FARSB: variants seen among roughly 807,000 people sequenced by gnomAD.
FARSB encodes phenylalanine--tRNA ligase beta subunit.
Under a neutral mutation model 69.6 loss-of-function variants are expected in FARSB, and 40 were observed. The ratio of observed to expected loss-of-function variants is 0.57; its 90% CI spans 0.45 to 0.75. The LOEUF is 0.75. FARSB is among the 30% of genes least tolerant of loss of function. The pLI, the probability that FARSB is intolerant of heterozygous loss-of-function variation, is 0.00. For synonymous variants in FARSB, 235 were observed against 247.2 expected (o/e 0.95, Z 0.46); for missense variants, 632 against 722.9 (o/e 0.87, Z 1.44).
At chr2:222,594,771 C>T (rs557546273) in intron 16 of FARSB, among the ~76,000 whole-genome samples, 6 of 152,254 alleles carry the variant, frequency 3.9e-5, no homozygotes, top group South Asian at 2.1e-4. Context: ...TAAAGTATCA[C>T]GAAAACATCA....
At chr2:222,625,654 A>C (rs1049950488) in intron 10 of FARSB, among the ~76,000 whole-genome samples, 2 of 152,226 alleles carry the variant, frequency 1.3e-5, no homozygotes, top group African/African-American at 4.8e-5. Context: ...GGGAGGCACA[A>C]GGTGAAGATT....
intron 16 of FARSB, among the ~76,000 whole-genome samples, chr2:222,583,574 T>C (rs1162182246): frequency 6.6e-6 from 1 of 152,156 alleles, no homozygotes; most frequent in Non-Finnish European, 1.5e-5. Context: ...GTCAAGGTCA[T>C]GAAAGTGAAG....
rs750603882 is a variant in FARSB, at chr2:222,633,243, T to C, written c.671A>G (p.Tyr224Cys). The C allele has an allele frequency of 2.5e-6, 4 of 1,589,772 alleles. No individual in the cohort carries two copies. Among genetic ancestry groups the C allele is most frequent in the East Asian group, 2.2e-5 (1 of 44,682 alleles). Residue 224 changes from tyrosine to cysteine, a missense_variant, in exon 7 of 17, where the codon TAT (tyrosine) becomes TGT (cysteine). By Grantham distance (194) the Tyr-to-Cys change is radical. Coordinates refer to ENST00000281828, the MANE Select transcript of FARSB (RefSeq NM_005687.5). Reference sequence around the variant, plus strand: ...TGAAAGGACGACACCATTGCTATCATAGATAACTGGATACAGGGGTTTGTT... The same window carrying C: ...TGAAAGGACGACACCATTGCTATCACAGATAACTGGATACAGGGGTTTGTT... The part of the protein sequence containing the change: ...IENKPLYPVI[Y>C]DSNGVVLSMP...
At chr2:222,622,555 G>T (rs898131085) in intron 13 of FARSB, among the ~76,000 whole-genome samples, 2 of 152,042 alleles carry the variant, frequency 1.3e-5, no homozygotes, top group African/African-American at 4.8e-5. Flanking sequence ...TGTTATTTTT[G>T]GTACTTCATT....
chr2:222,580,304 A>G (rs1488124897), intron 16 of FARSB, among the ~76,000 whole-genome samples: 1 of 152,034 alleles, frequency 6.6e-6, no homozygotes, highest in Non-Finnish European at 1.5e-5. Flanking sequence ...CCTATTATTC[A>G]TTAGTATAAA....
intron 10 of FARSB, 102 bp downstream of exon 10, chr2:222,628,735 T>G: frequency 1.3e-6 from 1 of 746,116 alleles, no homozygotes; most frequent in Non-Finnish European, 2.3e-6. Flanking sequence ...GGCACACGGG[T>G]GGGTAGGTAG....
At position 222,620,396 on chromosome 2, in the gene FARSB, G is replaced by GT. The variant is rs761245047; in HGVS notation, c.1252-660dup. ...GGAACTCTGCCCAGTGTTCTTTACT[G>GT]TATCACTTAACTTCTGTGCACATGC... On this transcript the variant is annotated intron_variant, in intron 13 of 16. Coordinates refer to ENST00000281828, the MANE Select transcript of FARSB (RefSeq NM_005687.5). Among the ~76,000 whole-genome samples, 10 of 152,182 alleles carry GT rather than the reference G, an allele frequency of 6.6e-5. No individual in the cohort carries two copies. In the East Asian group the frequency reaches 1.3e-3, roughly 21 times the overall value.
chr2:222,648,347 G>A (rs1391960485), intron 2 of FARSB, among the ~76,000 whole-genome samples: 1 of 152,208 alleles, frequency 6.6e-6, no homozygotes, highest in Non-Finnish European at 1.5e-5. Context: ...TGGGGGCAGA[G>A]GAGCTGAAGG....
At chr2:222,655,635 C>T (rs1244685579) in intron 1 of FARSB, among the ~76,000 whole-genome samples, 1 of 152,184 alleles carries the variant, frequency 6.6e-6, no homozygotes, top group East Asian at 1.9e-4. Context: ...CAAATCTCTC[C>T]TCCTACCCCC....
At chr2:222,601,101 G>C (rs1690545342) in intron 15 of FARSB, among the ~76,000 whole-genome samples, 1 of 152,108 alleles carries the variant, frequency 6.6e-6, no homozygotes, top group Admixed American at 6.6e-5. Context: ...TAGAAAGGTA[G>C]CTGCCAGGGG....
In FARSB at chr2:222,600,004, C is replaced by T; in HGVS notation, c.1542G>A (p.Leu514=). The T allele has an allele frequency of 6.2e-7, 1 of 1,612,504 alleles. No homozygotes were observed. The highest frequency in any genetic ancestry group is 8.5e-7 in the Non-Finnish European group (1 of 1,179,532). ...KNPGFEIIHG[L]LDRIMQLLDV... Reference sequence around the variant, plus strand: ...CGAGCAACTGCATAATTCTGTCCAGCAGCCCATGAATGATCTCAAACCCAG... The same window carrying T: ...CGAGCAACTGCATAATTCTGTCCAGTAGCCCATGAATGATCTCAAACCCAG... The change falls in exon 16 of 17, where the codon CTG becomes CTA. Residue 514 remains leucine, a synonymous_variant. Coordinates refer to ENST00000281828, the MANE Select transcript of FARSB (RefSeq NM_005687.5).
intron 15 of FARSB, among the ~76,000 whole-genome samples, chr2:222,604,926 C>T (rs1318712589): frequency 2.6e-5 from 4 of 151,730 alleles, no homozygotes; most frequent in African/African-American, 9.7e-5. Context: ...GATAAGCACA[C>T]ACAAATAGCT....
At chr2:222,574,723 G>T (rs1301989422) in intron 16 of FARSB, among the ~76,000 whole-genome samples, 1 of 152,042 alleles carries the variant, frequency 6.6e-6, no homozygotes, top group Admixed American at 6.5e-5. Context: ...TGTGAAAAAT[G>T]AAAAAATGGC....
chr2:222,634,299 G>T, intron 6 of FARSB, 92 bp downstream of exon 6: 1 of 873,598 alleles, frequency 1.1e-6, no homozygotes, highest in Non-Finnish European at 1.7e-6. Context: ...TTTTTTAAAA[G>T]TATTGATTAC....
chr2:222,580,440 G>A (rs1277497041), intron 16 of FARSB, among the ~76,000 whole-genome samples: 1 of 151,796 alleles, frequency 6.6e-6, no homozygotes, highest in East Asian at 1.9e-4. Context: ...GCAGGAAGGT[G>A]GCTTGAGACC....
chr2:222,649,283 A>T (rs943053217), intron 1 of FARSB, among the ~76,000 whole-genome samples: 3 of 151,278 alleles, frequency 2.0e-5, no homozygotes, highest in Non-Finnish European at 4.4e-5. Context: ...AATTTAAGAT[A>T]AAAAAAAGAA....
At chr2:222,580,983 A>AT (rs1689954398) in intron 16 of FARSB, among the ~76,000 whole-genome samples, 1 of 152,188 alleles carries the variant, frequency 6.6e-6, no homozygotes, top group Admixed American at 6.5e-5. Context: ...ACTTGGCCTC[A>AT]TAAGACCCTC....
At chr2:222,625,845 T>G (rs78349280) in intron 10 of FARSB, among the ~76,000 whole-genome samples, 3 of 152,218 alleles carry the variant, frequency 2.0e-5, no homozygotes, top group Non-Finnish European at 2.9e-5. Flanking sequence ...CAGGTCAGAA[T>G]AGTAAACTGC....
chr2:222,616,545 CAAAAAAAA>C (rs11447332), intron 14 of FARSB, among the ~76,000 whole-genome samples: 2 of 74,136 alleles, frequency 2.7e-5, no homozygotes, highest in Admixed American at 1.9e-4. Context: ...GACTCCATCT[CAAAAAAAA>C]AAAAAAAAAA....
Sources: gnomAD v4.1 joint callset for allele counts (sites outside exome capture counted in the v4.1 genomes callset) on GRCh38, gnomAD v4.1.1 for gene constraint, MANE v1.5 for transcripts, NCBI Gene and HGNC (gene_info 2026-07-23, HGNC 2026-07-21) for gene names.